PRRG3: variants seen among roughly 807,000 people sequenced by gnomAD.
The protein encoded by PRRG3 is transmembrane gamma-carboxyglutamic acid protein 3.
In PRRG3, 21 loss-of-function variants were observed where a neutral mutation model predicts 15.8. The ratio of observed to expected loss-of-function variants is 1.33; its 90% CI spans 0.94 to 1.92. PRRG3 has a LOEUF of 1.92. Ranked by LOEUF, PRRG3 falls within the 40% of genes most tolerant of loss-of-function variation. The pLI is 0.00. For synonymous variants in PRRG3, 125 were observed against 84.1 expected (o/e 1.49, Z -2.66); for missense variants, 251 against 200.2 (o/e 1.25, Z -1.53).
intron 1 of PRRG3, 84 bp from the exon 2 acceptor site, chrX:151,698,700 G>A (rs1037470285): frequency 4.1e-6 from 3 of 734,642 alleles, no homozygotes; most frequent in African/African-American, 4.2e-5. Flanking sequence ...GCCAGTGGGA[G>A]GGGGGCACAT....
intron 1 of PRRG3, among the ~76,000 whole-genome samples, 198 bp downstream of exon 1, chrX:151,695,742 A>G (rs1045077328): frequency 6.3e-5 from 7 of 111,565 alleles, no homozygotes; most frequent in African/African-American, 2.3e-4. Flanking sequence ...GTGGGCGAGG[A>G]CAGGCACTTT....
chrX:151,699,356 C>G (rs1015132406), intron 2 of PRRG3, among the ~76,000 whole-genome samples: 11 of 112,541 alleles, frequency 9.8e-5, no homozygotes, highest in Admixed American at 9.4e-4. Context: ...AAAGCTTAGA[C>G]TCTCCATCTG....
Position 151,700,729 on chromosome X carries a change from G to C in PRRG3, c.392G>C (p.Arg131Pro). 1 of 1,209,497 alleles carries C rather than the reference G, an allele frequency of 8.3e-7. No individual in the cohort carries two copies. Among genetic ancestry groups the C allele is most frequent in the Non-Finnish European group, 1.1e-6 (1 of 894,106 alleles). ...AGTCGCGCCGGGCACACCCTCCCCC[G>C]GGTCATGGTGTACCGGGGTACTGTG... ...LASRAGHTLP[R>P]VMVYRGTVHS... Residue 131 changes from arginine (R) to proline (P), a missense_variant, in exon 4 of 4, where the codon CGG becomes CCG. Coordinates refer to ENST00000674457, the MANE Select transcript of PRRG3 (RefSeq NM_001372163.1).
At chrX:151,700,345 C>T in intron 3 of PRRG3, 161 bp from the exon 4 acceptor site, 2 of 1,145,645 alleles carry the variant, frequency 1.7e-6, no homozygotes, top group East Asian at 3.0e-5. Context: ...GTCCTCCTCA[C>T]TTGGGAGCAT....
In PRRG3 at chrX:151,703,972, A is replaced by G. The variant is rs752466059; in HGVS notation, c.*2939A>G. The G allele has an allele frequency of 1.2e-3, 99 of 83,987 alleles. No homozygotes were observed. The highest frequency in any genetic ancestry group is 4.1e-3 in the African/African-American group (93 of 22,672). The allele number at this position is 83,987 out of a possible 1,213,427, so 6.9% of individuals were successfully genotyped here. ...TGTGTGTATGGAAAGATGTGTGACT[A>G]TTGACTTTGGGTATCGCGGGACTAG... is the stretch of plus-strand genomic sequence containing the variant. On this transcript the variant is annotated 3_prime_UTR_variant, in exon 4 of 4. Transcript: ENST00000674457.
At chrX:151,694,728 C>T (rs116374177), upstream of PRRG3, among the ~76,000 whole-genome samples, 5,522 of 100,156 alleles carry the variant, frequency 0.055, 347 homozygotes, top group African/African-American at 0.18. Context: ...AGGAGCCCGG[C>T]GGGCCTGAAT....
Position 151,702,883 on chromosome X carries a change from A to T in PRRG3, c.*1850A>T, listed in dbSNP as rs1297137082. Reference sequence around the variant, plus strand: ...GCCCCTGCTTTTTCCATGTTGGGGGACCTGGGGAAGCCTGAAGCTCGGGGC... The same window carrying T: ...GCCCCTGCTTTTTCCATGTTGGGGGTCCTGGGGAAGCCTGAAGCTCGGGGC... On this transcript the variant is annotated 3_prime_UTR_variant, in exon 4 of 4. Coordinates refer to ENST00000674457, the MANE Select transcript of PRRG3 (RefSeq NM_001372163.1). 8.9e-6 allele frequency: 1 copy of T among 112,292 alleles called. No homozygotes were observed. The highest frequency in any genetic ancestry group is 1.9e-5 in the Non-Finnish European group (1 of 53,207). The allele number at this position is 112,292 out of a possible 1,213,427, so 9.3% of individuals were successfully genotyped here.
rs1427373978 is a variant in PRRG3, at chrX:151,702,990, T to A, written c.*1957T>A. 2 of 112,518 alleles carry A rather than the reference T, an allele frequency of 1.8e-5. No individual in the cohort carries two copies. The allele number at this position is 112,518 out of a possible 1,213,427, so 9.3% of individuals were successfully genotyped here. On this transcript the variant is annotated 3_prime_UTR_variant, in exon 4 of 4. Coordinates refer to ENST00000674457, the MANE Select transcript of PRRG3 (RefSeq NM_001372163.1). ...AGGTGAGAAGAAACTTATCCCAATA[T>A]GTCTACTCAGTTAGCACAGAGCCAG...
rs1214854358 is a variant in PRRG3, at chrX:151,704,314, T to C, written c.*3281T>C. On this transcript the variant is annotated 3_prime_UTR_variant, in exon 4 of 4. Coordinates refer to ENST00000674457, the MANE Select transcript of PRRG3 (RefSeq NM_001372163.1). ...CCAATCCCACTGCCATGAATGTGAA[T>C]TCCTTAGGGTGCTTCCAAAAACAGG... 1 of 111,060 alleles carries C rather than the reference T, an allele frequency of 9.0e-6. No individual in the cohort carries two copies. The highest frequency in any genetic ancestry group is 1.9e-5 in the Non-Finnish European group (1 of 52,998). The allele number at this position is 111,060 out of a possible 1,213,427, so 9.2% of individuals were successfully genotyped here. A position where few individuals can be genotyped will look rare whatever the true frequency, so the allele number is the denominator to read the frequency against.
In PRRG3 at chrX:151,701,007, G is replaced by A. The variant is rs1009425205; in HGVS notation, c.670G>A (p.Ala224Thr). ...ACCCCCAAAGTACGAGGAGATAGTG[G>A]CCGCCAACCCTGGCGCTGACAAGTA... The part of the protein sequence containing the change: ...DPPPKYEEIV[A>T]ANPGADK The change falls in exon 4 of 4, where the codon GCC becomes ACC. Residue 224 changes from alanine (A) to threonine (T), a missense_variant. Ala to Thr is a moderately conservative substitution (Grantham distance 58). Transcript: ENST00000674457. 7.7e-6 allele frequency: 9 copies of A among 1,161,804 alleles called. No homozygotes were observed. Among genetic ancestry groups the A allele is most frequent in the African/African-American group, 7.2e-5 (4 of 55,837 alleles).
rs936074434 is a variant in PRRG3, at chrX:151,698,935, G to A, written c.7+114G>A. The A allele has an allele frequency of 5.8e-5, 40 of 684,937 alleles. No individual in the cohort carries two copies. In the African/African-American group the frequency reaches 8.5e-4, roughly 15 times the overall value. 56.4% of individuals were successfully genotyped at this position (684,937 alleles called of 1,213,427 possible). A position where few individuals can be genotyped will look rare whatever the true frequency, so the allele number is the denominator to read the frequency against. On this transcript the variant is annotated intron_variant, in intron 2 of 3. Transcript: ENST00000674457. Reference sequence around the variant, plus strand: ...CCCCTACCCCCCAAGTGGGCCTGTAGCCATTTTCCAAATGGCTGAGTAGCA... The same window carrying A: ...CCCCTACCCCCCAAGTGGGCCTGTAACCATTTTCCAAATGGCTGAGTAGCA...
chrX:151,701,180 A>T lies in PRRG3; in HGVS notation c.*147A>T. ...CCTAACTGTGGAGTTTTAGGAAGTC[A>T]GTTGTCAGAGACAGGTGGGGAGGGT... On this transcript the variant is annotated 3_prime_UTR_variant, in exon 4 of 4. Coordinates refer to ENST00000674457, the MANE Select transcript of PRRG3 (RefSeq NM_001372163.1). 1.3e-4 allele frequency: 55 copies of T among 433,573 alleles called. No individual in the cohort carries two copies. Among genetic ancestry groups the T allele is most frequent in the East Asian group, 4.0e-4 (8 of 19,961 alleles). 35.7% of individuals were successfully genotyped at this position (433,573 alleles called of 1,213,427 possible). A position where few individuals can be genotyped will look rare whatever the true frequency, so the allele number is the denominator to read the frequency against.
At chrX:151,695,906 A>G (rs968653571) in intron 1 of PRRG3, among the ~76,000 whole-genome samples, 13 of 111,218 alleles carry the variant, frequency 1.2e-4, no homozygotes, top group African/African-American at 3.3e-4. Context: ...AATAAAGTCT[A>G]GGGTTTGGAG....
intron 2 of PRRG3, 45 bp from the exon 3 acceptor site, chrX:151,699,951 C>A (rs781269649): frequency 1.7e-6 from 2 of 1,144,477 alleles, no homozygotes; most frequent in Non-Finnish European, 2.3e-6. Context: ...GAAGGAGCCC[C>A]TGGGCATCTC....
chrX:151,703,856 G>GTTTTTTTTTTTTTTTTTTTTTTTTTTTT lies in PRRG3; in HGVS notation c.*2823_*2824insTTTTTTTTTTTTTTTTTTTTTTTTTTTT, dbSNP rs2014926064. 2.2e-4 allele frequency: 2 copies of GTTTTTTTTTTTTTTTTTTTTTTTTTTTT among 8,959 alleles called. 1 individual carries two copies. Among genetic ancestry groups the GTTTTTTTTTTTTTTTTTTTTTTTTTTTT allele is most frequent in the African/African-American group, 3.1e-4 (2 of 6,507 alleles). 0.7% of individuals were successfully genotyped at this position (8,959 alleles called of 1,213,427 possible). A position where few individuals can be genotyped will look rare whatever the true frequency, so the allele number is the denominator to read the frequency against. On this transcript the variant is annotated 3_prime_UTR_variant, in exon 4 of 4. Transcript: ENST00000674457. ...AAGAAATCTGAGTACTCCTGGGCAT[G>GTTTTTTTTTTTTTTTTTTTTTTTTTTTT]GTTTTTTTTTTTTTTTTTTTTTTTT...
At position 151,697,979 on chromosome X, in the gene PRRG3, G is replaced by A. The variant is rs1364337835; in HGVS notation, c.-31-805G>A. Reference sequence around the variant, plus strand: ...TGTCGGGCATCTAAATTCATGTCTTGGCACTCTACTGCCATGGGCTTTAAT... The same window carrying A: ...TGTCGGGCATCTAAATTCATGTCTTAGCACTCTACTGCCATGGGCTTTAAT... On this transcript the variant is annotated intron_variant, in intron 1 of 3. Coordinates refer to ENST00000674457, the MANE Select transcript of PRRG3 (RefSeq NM_001372163.1). 2.7e-5 allele frequency among the ~76,000 whole-genome samples: 3 copies of A among 110,717 alleles called. No homozygotes were observed. In the Admixed American group the frequency reaches 2.9e-4, roughly 11 times the overall value.
Position 151,700,215 on chromosome X carries a change from C to A in PRRG3, c.168+59C>A, listed in dbSNP as rs760407749. 61 of 1,207,934 alleles carry A rather than the reference C, an allele frequency of 5.0e-5. No individual in the cohort carries two copies. The South Asian group carries it at 1.0e-3, about 20-fold the overall frequency. ...GGAGTAGCCTCAGGAATAGCAAGAACAGGCCCTGGTAATGCAGACCAATCA... is the reference window on the plus strand; with the variant it reads ...GGAGTAGCCTCAGGAATAGCAAGAAAAGGCCCTGGTAATGCAGACCAATCA... On this transcript the variant is annotated intron_variant, in intron 3 of 3. Coordinates refer to ENST00000674457, the MANE Select transcript of PRRG3 (RefSeq NM_001372163.1).
In PRRG3 at chrX:151,704,028, A is replaced by G. The variant is rs955814863; in HGVS notation, c.*2995A>G. The stretch of plus-strand genomic sequence containing the variant: ...TAGATGTTTTTCATTTTTCAAAAAG[A>G]AAAGGTTTTAAAAATTTTCTTGAAA... On this transcript the variant is annotated 3_prime_UTR_variant, in exon 4 of 4. Transcript: ENST00000674457. 3.8e-5 allele frequency: 4 copies of G among 106,011 alleles called. No homozygotes were observed. The highest frequency in any genetic ancestry group is 1.0e-4 in the Admixed American group (1 of 9,765). 8.7% of individuals were successfully genotyped at this position (106,011 alleles called of 1,213,427 possible).
intron 1 of PRRG3, among the ~76,000 whole-genome samples, chrX:151,697,073 C>T (rs182684796): frequency 0.22 from 11,452 of 52,001 alleles, 758 homozygotes; most frequent in Non-Finnish European, 0.26. Flanking sequence ...CCTTCCCTTC[C>T]CTTCTCCTTC....
Sources: gnomAD v4.1 joint callset for allele counts (sites outside exome capture counted in the v4.1 genomes callset) on GRCh38, gnomAD v4.1.1 for gene constraint, MANE v1.5 for transcripts, NCBI Gene and HGNC (gene_info 2026-07-23, HGNC 2026-07-21) for gene names.